BAZ1A: variants seen among roughly 807,000 people sequenced by gnomAD.
BAZ1A encodes bromodomain adjacent to zinc finger domain 1A, also known as bromodomain adjacent to zinc finger domain protein 1A.
BAZ1A carries 50 observed loss-of-function variants against 185.2 expected under a neutral mutation model. The ratio of observed to expected loss-of-function variants is 0.27; its 90% CI spans 0.22 to 0.34. The LOEUF (loss-of-function observed/expected upper bound fraction) is 0.34, where lower values mean the gene tolerates loss of function less well. Ranked by LOEUF, BAZ1A falls within the 10% of genes least tolerant of loss-of-function variation. The pLI is 1.00. For synonymous variants in BAZ1A, 571 were observed against 615.6 expected, an observed-to-expected ratio of 0.93 and a Z score of 1.07; for missense variants, 1,356 against 1,839.9, an observed-to-expected ratio of 0.74 and a Z score of 4.81.
chr14:34,778,440 A>G (rs1959158), intron 17 of BAZ1A, among the ~76,000 whole-genome samples: 87,234 of 151,846 alleles, frequency 0.57, 25,312 homozygotes, highest in South Asian at 0.67. Flanking sequence ...TTTTCGTTCT[A>G]TTTCTTTTGC....
chr14:34,754,325 G>A (rs1379627504), intron 26 of BAZ1A, among the ~76,000 whole-genome samples: 3 of 150,308 alleles, frequency 2.0e-5, no homozygotes, highest in Admixed American at 6.6e-5. Context: ...AGGCTGAGGT[G>A]GGAGGACAGC....
At chr14:34,788,564 G>A (rs1001202895) in intron 12 of BAZ1A, among the ~76,000 whole-genome samples, 1 of 151,878 alleles carries the variant, frequency 6.6e-6, no homozygotes, top group Non-Finnish European at 1.5e-5. Context: ...CTGGCTTCCC[G>A]AAGTGCCAGG....
intron 17 of BAZ1A, among the ~76,000 whole-genome samples, chr14:34,778,944 T>A (rs1879853355): frequency 6.6e-6 from 1 of 152,164 alleles, no homozygotes; most frequent in Admixed American, 6.6e-5. Context: ...AGCCTTGATC[T>A]CCCAGGCTCA....
At chr14:34,860,633 G>A (rs544790066) in intron 3 of BAZ1A, among the ~76,000 whole-genome samples, 3 of 150,358 alleles carry the variant, frequency 2.0e-5, no homozygotes, top group African/African-American at 4.9e-5. Flanking sequence ...TAGGCCAAGC[G>A]CAGTGGCTTA....
chr14:34,840,854 A>T (rs1235587421), intron 3 of BAZ1A, among the ~76,000 whole-genome samples: 1 of 152,192 alleles, frequency 6.6e-6, no homozygotes, highest in Non-Finnish European at 1.5e-5. Flanking sequence ...TTTTCTAGCT[A>T]GACCACCTAC....
chr14:34,848,740 A>C (rs1018734609), intron 3 of BAZ1A, among the ~76,000 whole-genome samples: 5 of 152,224 alleles, frequency 3.3e-5, no homozygotes, highest in South Asian at 2.1e-4. Flanking sequence ...TATACATTTT[A>C]AATCCAAATA....
intron 2 of BAZ1A, among the ~76,000 whole-genome samples, chr14:34,869,225 A>AATAAC (rs538958514): frequency 3.9e-5 from 6 of 152,026 alleles, no homozygotes; most frequent in South Asian, 4.1e-4. Context: ...TAAATAAATA[A>AATAAC]ATAACATAAC....
At chr14:34,783,522 G>A (rs1880191151) in intron 15 of BAZ1A, among the ~76,000 whole-genome samples, 1 of 151,994 alleles carries the variant, frequency 6.6e-6, no homozygotes, top group Non-Finnish European at 1.5e-5. Flanking sequence ...TTTTAGTAGA[G>A]ATGGGATTTG....
At chr14:34,760,300 A>G (rs893706033) in intron 24 of BAZ1A, among the ~76,000 whole-genome samples, 1 of 152,192 alleles carries the variant, frequency 6.6e-6, no homozygotes, top group Non-Finnish European at 1.5e-5. Context: ...CAAAACAGAT[A>G]AGTGGATAGG....
rs543114758 is a variant in BAZ1A at position 34,839,736 on chromosome 14, G to A, written c.393-13580C>T. On this transcript the variant is annotated intron_variant, in intron 3 of 26. Transcript: ENST00000360310. ...CGGGTGCCTGTAGTCCCAGCTACTC[G>A]GGAGGCTGAGGCAGAATGGCGTGAA... Among the ~76,000 whole-genome samples, 262 of 148,966 alleles carry A rather than the reference G, an allele frequency of 1.8e-3. 1 individual carries two copies. The highest frequency in any genetic ancestry group is 6.1e-3 in the African/African-American group (245 of 40,468).
intron 3 of BAZ1A, among the ~76,000 whole-genome samples, chr14:34,836,843 C>T (rs2042338848): frequency 6.6e-6 from 1 of 151,940 alleles, no homozygotes; most frequent in African/African-American, 2.4e-5. Context: ...ATGTCAATTA[C>T]TTGTCAATGA....
At chr14:34,783,725 A>G (rs1880209674) in intron 15 of BAZ1A, 37 bp downstream of exon 15, 9 of 1,586,556 alleles carry the variant, frequency 5.7e-6, no homozygotes, top group Non-Finnish European at 7.7e-6. Context: ...AGAAATAAAC[A>G]GCTTTCATTA....
intron 3 of BAZ1A, among the ~76,000 whole-genome samples, chr14:34,852,095 C>A (rs2042606620): frequency 6.6e-6 from 1 of 151,738 alleles, no homozygotes; most frequent in African/African-American, 2.4e-5. Context: ...CCACTGCACT[C>A]CAGCCTGGGC....
At chr14:34,871,277 C>A (rs906475004) in intron 2 of BAZ1A, among the ~76,000 whole-genome samples, 30 of 152,194 alleles carry the variant, frequency 2.0e-4, no homozygotes, top group African/African-American at 6.8e-4. Flanking sequence ...TGGCTGATCT[C>A]AAACTCTTGG....
intron 10 of BAZ1A, 84 bp downstream of exon 10, chr14:34,795,586 A>G (rs1162077250): frequency 8.9e-6 from 8 of 896,284 alleles, no homozygotes; most frequent in South Asian, 4.1e-5. Flanking sequence ...AGAGGCTGCT[A>G]TTAAATAAGA....
Position 34,874,513 on chromosome 14 carries a change from T to C in BAZ1A, c.92A>G (p.Asn31Ser), listed in dbSNP as rs754684213. ...TTACTCGTAGTGGCGGAAGATCTCG[T>C]TGGTGACTTTACAGTAGAAAACTTC... ...DEEVFYCKVT[N>S]EIFRHYDDFF... Residue 31 changes from asparagine (N) to serine (S), a missense_variant, in exon 2 of 27, where the codon AAC (asparagine) becomes AGC (serine). Physicochemically the swap from Asn to Ser is conservative, Grantham distance 46. Transcript: ENST00000360310. The surrounding 1 kb of genome is among the most constrained non-coding windows in gnomAD (Gnocchi z 4.7). The C allele has an allele frequency of 8.1e-6, 13 of 1,611,726 alleles. No individual in the cohort carries two copies. The East Asian group carries it at 2.9e-4, about 36-fold the overall frequency.
chr14:34,829,267 GA>G (rs60176426), intron 3 of BAZ1A, among the ~76,000 whole-genome samples: 59 of 86,476 alleles, frequency 6.8e-4, no homozygotes, highest in African/African-American at 1.8e-3. Flanking sequence ...CTCTGTCTCT[GA>G]AAAAAAAAAA....
At chr14:34,791,724 A>G (rs1414169752) in intron 12 of BAZ1A, among the ~76,000 whole-genome samples, 1 of 152,230 alleles carries the variant, frequency 6.6e-6, no homozygotes, top group Non-Finnish European at 1.5e-5. Context: ...TTTATGCAAC[A>G]CACTCAAGTA....
chr14:34,764,725 TGA>T lies in BAZ1A; in HGVS notation c.3756_3757del (p.Gln1253ArgfsTer16). On this transcript the variant is annotated frameshift_variant, in exon 23 of 27. Transcript: ENST00000360310. LOFTEE classifies it high-confidence loss of function. ...GACTTACCTGACTTCTTCCTCTTCT[TGA>T]GAGTCATCTTCATCTTGTTCTACCT... 6.2e-7 allele frequency: 1 copy of T among 1,609,630 alleles called. No homozygotes were observed. Among genetic ancestry groups the T allele is most frequent in the Non-Finnish European group, 8.5e-7 (1 of 1,177,042 alleles).
Sources: gnomAD v4.1 joint callset for allele counts (sites outside exome capture counted in the v4.1 genomes callset) on GRCh38, gnomAD v4.1.1 for gene constraint, Gnocchi (gnomAD v3.1) non-coding constraint, MANE v1.5 for transcripts, NCBI Gene and HGNC (gene_info 2026-07-23, HGNC 2026-07-21) for gene names.